Variants in PPP1R1C observed in about 807,000 individuals in gnomAD.
The protein encoded by PPP1R1C is protein phosphatase 1 regulatory subunit 1C.
A neutral mutation model predicts 17.4 loss-of-function variants in PPP1R1C; 15 were observed. The observed-to-expected ratio is 0.86, with a 90% CI of 0.58 to 1.33. PPP1R1C has a LOEUF of 1.33. PPP1R1C is among the 40% of genes most tolerant of loss of function. The pLI is 0.00. For synonymous variants in PPP1R1C, 35 were observed against 43.1 expected (o/e 0.81, Z 0.73); for missense variants, 143 against 130.0 (o/e 1.10, Z -0.48).
chr2:182,080,236 A>G (rs1688434174), intron 4 of PPP1R1C, among the ~76,000 whole-genome samples: 1 of 152,212 alleles, frequency 6.6e-6, no homozygotes, highest in Non-Finnish European at 1.5e-5. Flanking sequence ...TCGACAGCAC[A>G]TCCCCCAATA....
chr2:182,073,300 A>C (rs1017271850), intron 4 of PPP1R1C, among the ~76,000 whole-genome samples: 2 of 152,240 alleles, frequency 1.3e-5, no homozygotes, highest in Non-Finnish European at 2.9e-5. Context: ...GAGCATTCTG[A>C]TCTGTCTTCT....
intron 4 of PPP1R1C, among the ~76,000 whole-genome samples, chr2:182,098,672 T>C (rs1026275810): frequency 1.1e-4 from 17 of 152,212 alleles, no homozygotes; most frequent in African/African-American, 4.1e-4. Flanking sequence ...AATTTTGTAA[T>C]AATATTAATG....
downstream of PPP1R1C, among the ~76,000 whole-genome samples, chr2:182,118,641 G>C (rs578233637): frequency 1.1e-4 from 10 of 93,120 alleles, no homozygotes; most frequent in African/African-American, 4.4e-4. Flanking sequence ...GAAGTTAAGA[G>C]AGTTTTATGG....
At chr2:182,068,881 T>C (rs1325033555) in intron 4 of PPP1R1C, among the ~76,000 whole-genome samples, 1 of 152,190 alleles carries the variant, frequency 6.6e-6, no homozygotes. Flanking sequence ...ACCATGGCTG[T>C]ATTGGAATGT....
At chr2:182,008,207 A>G (rs1174184073) in intron 2 of PPP1R1C, among the ~76,000 whole-genome samples, 1 of 152,216 alleles carries the variant, frequency 6.6e-6, no homozygotes, top group Non-Finnish European at 1.5e-5. Context: ...TAGACCCCTC[A>G]AGGTCATTGC....
At chr2:182,003,434 A>C (rs894277215) in intron 2 of PPP1R1C, among the ~76,000 whole-genome samples, 3 of 152,182 alleles carry the variant, frequency 2.0e-5, no homozygotes, top group Non-Finnish European at 4.4e-5. Flanking sequence ...TGCCTTCACC[A>C]GTACCCTATT....
intron 2 of PPP1R1C, among the ~76,000 whole-genome samples, chr2:182,008,636 T>C (rs1686001261): frequency 6.6e-6 from 1 of 152,198 alleles, no homozygotes; most frequent in African/African-American, 2.4e-5. Context: ...TAGTAAGGTA[T>C]CCATCACCTC....
In PPP1R1C at chr2:182,117,556, A is replaced by G. The variant is rs1379409059; in HGVS notation, c.*261A>G. ...TTTTTAACTATGTAAAAATTTGCAT[A>G]CATGTGACTGTTCTAACTTTAATAC... On this transcript the variant is annotated 3_prime_UTR_variant, in exon 5 of 5. Transcript: ENST00000682840. 8 of 351,162 alleles carry G rather than the reference A, an allele frequency of 2.3e-5. 1 individual carries two copies. 21.8% of individuals were successfully genotyped at this position (351,162 alleles called of 1,614,324 possible). A position where few individuals can be genotyped will look rare whatever the true frequency, so the allele number is the denominator to read the frequency against.
intron 2 of PPP1R1C, among the ~76,000 whole-genome samples, chr2:182,060,966 C>A (rs1172902021): frequency 6.6e-6 from 1 of 152,130 alleles, no homozygotes; most frequent in East Asian, 1.9e-4. Context: ...GCAATTAGTT[C>A]TTTCCAGATA....
intron 4 of PPP1R1C, among the ~76,000 whole-genome samples, chr2:182,097,626 T>C (rs9288078): frequency 0.27 from 41,095 of 152,028 alleles, 6,544 homozygotes; most frequent in African/African-American, 0.45. Flanking sequence ...CCCATTTAAC[T>C]TGGAATGTAT....
chr2:182,083,862 A>G (rs1303311792), intron 4 of PPP1R1C, among the ~76,000 whole-genome samples: 7 of 152,194 alleles, frequency 4.6e-5, no homozygotes, highest in Admixed American at 1.3e-4. Context: ...TAGAGGTTGT[A>G]CTAATTAAAA....
At chr2:181,966,369 A>G (rs1684904017) in intron 1 of PPP1R1C, among the ~76,000 whole-genome samples, 1 of 152,112 alleles carries the variant, frequency 6.6e-6, no homozygotes, top group Admixed American at 6.5e-5. Flanking sequence ...AGTGGACATC[A>G]TGGTCATGTT....
intron 2 of PPP1R1C, among the ~76,000 whole-genome samples, chr2:182,009,222 G>A (rs1686017624): frequency 6.6e-6 from 1 of 151,944 alleles, no homozygotes; most frequent in Non-Finnish European, 1.5e-5. Flanking sequence ...CTCCAAAGTA[G>A]CTGTACAAAT....
chr2:182,109,794 G>A (rs1489566783), intron 4 of PPP1R1C, among the ~76,000 whole-genome samples: 1 of 152,080 alleles, frequency 6.6e-6, no homozygotes, highest in Non-Finnish European at 1.5e-5. Flanking sequence ...CACCTCCAGA[G>A]GTCCCTTCAA....
At chr2:182,005,351 G>A (rs968023744) in intron 2 of PPP1R1C, among the ~76,000 whole-genome samples, 8 of 152,152 alleles carry the variant, frequency 5.3e-5, no homozygotes, top group Admixed American at 1.3e-4. Context: ...TATTATCTCC[G>A]CTCTGACAAC....
chr2:182,044,008 A>C (rs993374966), intron 2 of PPP1R1C, among the ~76,000 whole-genome samples: 15 of 152,122 alleles, frequency 9.9e-5, no homozygotes, highest in Non-Finnish European at 2.1e-4. Context: ...TGTTTGACTC[A>C]CTTTTCCTGT....
chr2:182,032,164 GC>G lies in PPP1R1C; in HGVS notation c.143-29276del, dbSNP rs1189237141. 9.2e-5 allele frequency among the ~76,000 whole-genome samples: 14 copies of G among 152,296 alleles called. No homozygotes were observed. The East Asian group carries it at 2.5e-3, about 27-fold the overall frequency. On this transcript the variant is annotated intron_variant, in intron 2 of 4. Coordinates refer to ENST00000682840, the MANE Select transcript of PPP1R1C (RefSeq NM_001080545.3). Reference sequence around the variant, plus strand: ...GGCCTTCTGAAATGTTCATAGTTCAGCCAAAAGTCAAGGGGGCCATCCCTTT... The same window carrying G: ...GGCCTTCTGAAATGTTCATAGTTCAGCAAAAGTCAAGGGGGCCATCCCTTT...
At chr2:181,966,130 A>C (rs754413035) in intron 1 of PPP1R1C, among the ~76,000 whole-genome samples, 1 of 152,156 alleles carries the variant, frequency 6.6e-6, no homozygotes, top group Admixed American at 6.5e-5. Context: ...ATATAGAAGC[A>C]CTACTAATTT....
chr2:182,071,707 G>T (rs1202119525), intron 4 of PPP1R1C, among the ~76,000 whole-genome samples: 2 of 152,050 alleles, frequency 1.3e-5, no homozygotes, highest in Non-Finnish European at 2.9e-5. Flanking sequence ...TGATTTATCT[G>T]TTCATTTATT....
Sources: gnomAD v4.1 joint callset for allele counts (sites outside exome capture counted in the v4.1 genomes callset) on GRCh38, gnomAD v4.1.1 for gene constraint, MANE v1.5 for transcripts, NCBI Gene and HGNC (gene_info 2026-07-23, HGNC 2026-07-21) for gene names.